The following ADAMTS17 variants were observed in gnomAD, a reference collection of about 807,000 sequenced individuals.
The protein encoded by ADAMTS17 is ADAM metallopeptidase with thrombospondin type 1 motif 17, also known as A disintegrin and metalloproteinase with thrombospondin motifs 17.
In ADAMTS17, 113 loss-of-function variants were observed where a neutral mutation model predicts 141.5. That is an observed-to-expected ratio of 0.80 (90% CI 0.69 to 0.93). The LOEUF is 0.93. Among genes scored for constraint, ADAMTS17 ranks in the 40% least tolerant of loss-of-function variants. The pLI, the probability that ADAMTS17 is intolerant of heterozygous loss-of-function variation, is 0.00. For missense variants in ADAMTS17, 1,659 were observed against 1,517.9 expected (o/e 1.09, Z -1.54); for synonymous variants, 768 against 630.6 (o/e 1.22, Z -3.27).
At chr15:100,313,123 A>C (rs928421293) in intron 3 of ADAMTS17, among the ~76,000 whole-genome samples, 1 of 152,208 alleles carries the variant, frequency 6.6e-6, no homozygotes, top group African/African-American at 2.4e-5. Flanking sequence ...CATGGTTCAT[A>C]AATTGTTTCA....
chr15:99,980,686 C>T (rs1299739261), intron 20 of ADAMTS17: 1 of 152,264 alleles, frequency 6.6e-6, no homozygotes, highest in Non-Finnish European at 1.5e-5. Context: ...GCTTCCGTTT[C>T]TTCTGCGAGT....
At chr15:100,322,298 G>C (rs952221022) in intron 3 of ADAMTS17, among the ~76,000 whole-genome samples, 1 of 152,190 alleles carries the variant, frequency 6.6e-6, no homozygotes, top group Non-Finnish European at 1.5e-5. Context: ...CTGGAAAGGA[G>C]AGATCCACAA....
chr15:100,287,125 T>C (rs1171848472), intron 3 of ADAMTS17, among the ~76,000 whole-genome samples: 1 of 151,942 alleles, frequency 6.6e-6, no homozygotes, highest in Non-Finnish European at 1.5e-5. Context: ...GAGGCAGAGG[T>C]TGCAGTGAGC....
intron 19 of ADAMTS17, among the ~76,000 whole-genome samples, chr15:99,994,399 C>T (rs922837576): frequency 6.6e-6 from 1 of 150,706 alleles, no homozygotes; most frequent in African/African-American, 2.4e-5. Flanking sequence ...GGGAGGATCA[C>T]TTGAGGCCAG....
chr15:100,185,818 T>G (rs2040694874), intron 8 of ADAMTS17, among the ~76,000 whole-genome samples: 1 of 152,202 alleles, frequency 6.6e-6, no homozygotes, highest in Admixed American at 6.5e-5. Flanking sequence ...TGCTTCTGGC[T>G]CCTGAAGTCC....
intron 18 of ADAMTS17, among the ~76,000 whole-genome samples, chr15:100,015,505 C>T (rs775530742): frequency 2.3e-4 from 35 of 152,076 alleles, no homozygotes; most frequent in East Asian, 5.8e-4. Context: ...GATGTGTTTC[C>T]GGAATTTGTT....
At chr15:100,336,173 G>A (rs540463816) in intron 2 of ADAMTS17, among the ~76,000 whole-genome samples, 18 of 152,348 alleles carry the variant, frequency 1.2e-4, no homozygotes, top group Admixed American at 8.5e-4. Context: ...TGTCCTAGAC[G>A]ATGCTGGTGG....
chr15:100,101,472 T>A (rs1020907103), intron 14 of ADAMTS17, among the ~76,000 whole-genome samples: 2 of 152,252 alleles, frequency 1.3e-5, no homozygotes, highest in Admixed American at 6.5e-5. Flanking sequence ...CTATGGGTTT[T>A]CTGCTATGTC....
Position 100,096,390 on chromosome 15 carries a change from C to A in ADAMTS17, c.2103G>T (p.Leu701Phe). 5 of 1,614,142 alleles carry A rather than the reference C, an allele frequency of 3.1e-6. No individual in the cohort carries two copies. The highest frequency in any genetic ancestry group is 4.2e-6 in the Non-Finnish European group (5 of 1,180,050). Reference sequence around the variant, plus strand: ...GGGCGTGGCTGAAGTCGCCCTTCACCAAGTGGCAGGTCTTGCCGTCCCCGC... The same window carrying A: ...GGGCGTGGCTGAAGTCGCCCTTCACAAAGTGGCAGGTCTTGCCGTCCCCGC... ...VCSGDGKTCH[L>F]VKGDFSHARG... Residue 701 changes from leucine to phenylalanine, a missense_variant, in exon 15 of 22, where the codon TTG (leucine) becomes TTT (phenylalanine). Coordinates refer to ENST00000268070, the MANE Select transcript of ADAMTS17 (RefSeq NM_139057.4).
intron 18 of ADAMTS17, among the ~76,000 whole-genome samples, chr15:100,009,601 T>C (rs2061117247): frequency 6.6e-6 from 1 of 152,112 alleles, no homozygotes; most frequent in East Asian, 1.9e-4. Flanking sequence ...TACCGAGCAC[T>C]CAGCCCAGGC....
intron 15 of ADAMTS17, among the ~76,000 whole-genome samples, chr15:100,058,202 C>CCCTCCTATCCCGGCTCTT (rs2032775203): frequency 5.7e-5 from 1 of 17,670 alleles, no homozygotes; most frequent in Non-Finnish European, 1.7e-4. Context: ...ATCCCAGCTC[C>CCCTCCTATCCCGGCTCTT]AACACCCCTA....
At chr15:100,043,851 G>T (rs727860) in intron 18 of ADAMTS17, among the ~76,000 whole-genome samples, 8,854 of 152,314 alleles carry the variant, frequency 0.058, 828 homozygotes, top group African/African-American at 0.19. Flanking sequence ...GTGGCAACAC[G>T]GCAGGACTGT....
chr15:100,175,642 T>C (rs2141493809), intron 8 of ADAMTS17, among the ~76,000 whole-genome samples: 1 of 152,294 alleles, frequency 6.6e-6, no homozygotes, highest in East Asian at 1.9e-4. Flanking sequence ...GTACTCTTTC[T>C]GGTCCCCTTT....
chr15:100,341,094 A>C lies in ADAMTS17; in HGVS notation c.395T>G (p.Leu132Arg). 2.0e-6 allele frequency: 3 copies of C among 1,517,482 alleles called. No homozygotes were observed. Among genetic ancestry groups the C allele is most frequent in the Non-Finnish European group, 2.6e-6 (3 of 1,138,404 alleles). The allele number at this position is 1,517,482 out of a possible 1,614,324, so 94.0% of individuals were successfully genotyped here. A position where few individuals can be genotyped will look rare whatever the true frequency, so the allele number is the denominator to read the frequency against. The part of the protein sequence containing the change: ...AELCFYSGRV[L>R]GHPGSLVSLS... ...CGAGACGAGGGAGCCGGGGTGGCCG[A>C]GCACACGGCCCGAGTAGAAGCACAG... Residue 132 changes from leucine to arginine, a missense_variant, in exon 2 of 22, where the codon CTC becomes CGC. Leu to Arg is a moderately radical substitution (Grantham distance 102, BLOSUM62 -2). Transcript: ENST00000268070.
chr15:100,192,086 T>C (rs2040939637), intron 8 of ADAMTS17, among the ~76,000 whole-genome samples: 2 of 152,098 alleles, frequency 1.3e-5, no homozygotes, highest in African/African-American at 4.8e-5. Context: ...GGCCTGCACG[T>C]TTTGAACAAC....
chr15:100,182,674 G>A (rs940268775), intron 8 of ADAMTS17, among the ~76,000 whole-genome samples: 15 of 152,174 alleles, frequency 9.9e-5, no homozygotes, highest in African/African-American at 2.7e-4. Flanking sequence ...AGGCACTTTT[G>A]GTGTAGATAG....
In ADAMTS17 at chr15:100,081,855, T is replaced by C. The variant is rs150066853; in HGVS notation, c.2137+14501A>G. 8.3e-4 allele frequency among the ~76,000 whole-genome samples: 127 copies of C among 152,362 alleles called. 1 individual carries two copies. In the Middle Eastern group the frequency reaches 0.01, roughly 12 times the overall value. ...TCCTATACACTTATTGACCATTTGT[T>C]TTCCCTTTTCAGTTAATGGCCTTGT... On this transcript the variant is annotated intron_variant, in intron 15 of 21. Transcript: ENST00000268070.
intron 7 of ADAMTS17, among the ~76,000 whole-genome samples, chr15:100,232,635 G>A (rs954186704): frequency 6.6e-5 from 10 of 152,218 alleles, no homozygotes; most frequent in African/African-American, 2.4e-4. Flanking sequence ...GGTAAGTGCA[G>A]GACACCAAGT....
At chr15:100,121,025 G>A (rs2037425107) in intron 12 of ADAMTS17, among the ~76,000 whole-genome samples, 1 of 152,146 alleles carries the variant, frequency 6.6e-6, no homozygotes, top group Admixed American at 6.5e-5. Context: ...AGATATGGAA[G>A]TTAAGAAAAC....
Sources: allele counts gnomAD v4.1 joint callset (sites outside exome capture counted in the v4.1 genomes callset), GRCh38; gene constraint gnomAD v4.1.1; transcripts MANE v1.5; gene names NCBI Gene and HGNC (gene_info 2026-07-23, HGNC 2026-07-21).